Variants in BRF1 observed in about 807,000 individuals in gnomAD.
The protein encoded by BRF1 is BRF1 general transcription factor IIIB subunit, also known as transcription factor IIIB 90 kDa subunit.
BRF1 carries 59 observed loss-of-function variants against 81.7 expected under a neutral mutation model. That is an observed-to-expected ratio of 0.72 (90% CI 0.59 to 0.90). BRF1 has a LOEUF of 0.90. BRF1 is among the 40% of genes least tolerant of loss of function. The pLI, the probability that BRF1 is intolerant of heterozygous loss-of-function variation, is 0.00. For synonymous variants in BRF1, 491 were observed against 395.6 expected (o/e 1.24, Z -2.86); for missense variants, 1,050 against 936.3 (o/e 1.12, Z -1.58).
intron 1 of BRF1, among the ~76,000 whole-genome samples, chr14:105,314,172 C>A (rs1241675166): frequency 6.6e-6 from 1 of 152,154 alleles, no homozygotes; most frequent in Non-Finnish European, 1.5e-5. Flanking sequence ...TCCCGGGGAA[C>A]CCACGCAGGG....
At chr14:105,293,287 T>G (rs1006299441) in intron 1 of BRF1, among the ~76,000 whole-genome samples, 3 of 152,176 alleles carry the variant, frequency 2.0e-5, no homozygotes, top group Admixed American at 1.3e-4. Context: ...CCAGGTGACA[T>G]GCAGCCATGT....
intron 6 of BRF1, 25 bp downstream of exon 6, chr14:105,241,240 C>A (rs57108874): frequency 6.2e-7 from 1 of 1,607,236 alleles, no homozygotes; most frequent in Admixed American, 1.7e-5. Context: ...ACCAGCATCC[C>A]CCAGGCAGGC....
At position 105,229,179 on chromosome 14, in the gene BRF1, C is replaced by T. The variant is rs587668060; in HGVS notation, c.695-266G>A. On this transcript the variant is annotated intron_variant, in intron 6 of 17. Transcript: ENST00000547530. Reference sequence around the variant, plus strand: ...GGCTTCCGAGAGCTTCACGTAATCCCTCAAAGCAAACAAACTAACTCTAAG... The same window carrying T: ...GGCTTCCGAGAGCTTCACGTAATCCTTCAAAGCAAACAAACTAACTCTAAG... 6.6e-5 allele frequency among the ~76,000 whole-genome samples: 10 copies of T among 152,324 alleles called. No individual in the cohort carries two copies. The East Asian group carries it at 1.5e-3, about 24-fold the overall frequency.
chr14:105,283,021 T>C (rs1346804297), intron 2 of BRF1, among the ~76,000 whole-genome samples: 1 of 152,026 alleles, frequency 6.6e-6, no homozygotes, highest in Non-Finnish European at 1.5e-5. Context: ...AATGTGCCAG[T>C]TATAATGGGC....
rs1448559965 is a variant in BRF1, at chr14:105,315,191, C to T, written c.-162+131G>A. Reference sequence around the variant, plus strand: ...CCGCCGGTTCGACGCGTGCAGCCGCCGCCCCCCCGCAGCTCCGGCAAGCGC... The same window carrying T: ...CCGCCGGTTCGACGCGTGCAGCCGCTGCCCCCCCGCAGCTCCGGCAAGCGC... On this transcript the variant is annotated intron_variant, in intron 1 of 17. Coordinates refer to the BRF1 transcript ENST00000327359. This position sits in a 1 kb window ranked among gnomAD's most constrained non-coding sequence, Gnocchi z 4.4. 1 of 291,370 alleles carries T rather than the reference C, an allele frequency of 3.4e-6. No individual in the cohort carries two copies. Among genetic ancestry groups the T allele is most frequent in the Admixed American group, 6.3e-5 (1 of 15,996 alleles). The allele number at this position is 291,370 out of a possible 1,614,324, so 18.0% of individuals were successfully genotyped here.
Position 105,210,071 on chromosome 14 carries a change from T to G in BRF1, c.*480A>C. The G allele has an allele frequency of 4.6e-6, 1 of 217,404 alleles. No homozygotes were observed. The highest frequency in any genetic ancestry group is 5.2e-5 in the Admixed American group (1 of 19,176). The allele number at this position is 217,404 out of a possible 1,614,324, so 13.5% of individuals were successfully genotyped here. A position where few individuals can be genotyped will look rare whatever the true frequency, so the allele number is the denominator to read the frequency against. ...GCTGCGCCGGACACCTGCAGGGCTCTGGCTTCCACTCTGGCAGAGGCTGCT... is the reference window on the plus strand; with the variant it reads ...GCTGCGCCGGACACCTGCAGGGCTCGGGCTTCCACTCTGGCAGAGGCTGCT... On this transcript the variant is annotated 3_prime_UTR_variant, in exon 18 of 18. Coordinates refer to ENST00000547530, the MANE Select transcript of BRF1 (RefSeq NM_001519.4). This position sits in a 1 kb window ranked among gnomAD's most constrained non-coding sequence, Gnocchi z 4.7.
At position 105,221,897 on chromosome 14, in the gene BRF1, C is replaced by A; in HGVS notation, c.1066G>T (p.Ala356Ser). The A allele has an allele frequency of 6.3e-7, 1 of 1,594,356 alleles. No homozygotes were observed. Among genetic ancestry groups the A allele is most frequent in the Non-Finnish European group, 8.5e-7 (1 of 1,170,806 alleles). ...LAKDGSTEDT[A>S]SSLCGEEDTE... ...TCCTCCTCGCCACACAAGCTGGACG[C>A]GGTGTCCTCGGTGGAGCCTAGGTGT... The change falls in exon 11 of 18, where the codon GCG (alanine) becomes TCG (serine). Residue 356 changes from alanine to serine, a missense_variant. Ala to Ser is a moderately conservative substitution (Grantham distance 99). Coordinates refer to ENST00000547530, the MANE Select transcript of BRF1 (RefSeq NM_001519.4).
At chr14:105,228,977 C>T (rs1276945066) in intron 6 of BRF1, 64 bp from the exon 7 acceptor site, 5 of 1,445,526 alleles carry the variant, frequency 3.5e-6, no homozygotes, top group South Asian at 2.3e-5. Context: ...TCTGTGGCGG[C>T]CCAGGACAAC....
At chr14:105,256,363 C>T in intron 4 of BRF1, 155 bp downstream of exon 4, 1 of 1,573,058 alleles carries the variant, frequency 6.4e-7, no homozygotes. Flanking sequence ...GAAGGCCCCT[C>T]ATCCTACAGA....
chr14:105,285,313 G>A (rs909110964), intron 2 of BRF1, among the ~76,000 whole-genome samples: 6 of 152,260 alleles, frequency 3.9e-5, no homozygotes, highest in African/African-American at 1.4e-4. Context: ...CACCAGGACT[G>A]TCATGCAGTC....
At chr14:105,220,272 C>T (rs1456349268) in intron 11 of BRF1, 142 bp from the exon 12 acceptor site, 7 of 838,920 alleles carry the variant, frequency 8.3e-6, no homozygotes, top group African/African-American at 1.7e-5. Context: ...TGGTGGGTCG[C>T]GCCCTGTCTG....
chr14:105,212,865 T>G (rs1890360872), intron 15 of BRF1: 1 of 152,312 alleles, frequency 6.6e-6, no homozygotes, highest in Non-Finnish European at 1.5e-5. Flanking sequence ...GGGCCCTGCC[T>G]GGCTCTGACG....
At position 105,217,812 on chromosome 14, in the gene BRF1, C is replaced by T. The variant is rs1891579748; in HGVS notation, c.1516-12G>A. ...CAAGACTTCTTGGGCTTGAGGGAAA[C>T]AAGCAAGAATGCCTCCCGTGAGTCA... On this transcript the variant is annotated splice_polypyrimidine_tract_variant and intron_variant, in intron 14 of 17. Transcript: ENST00000547530. The T allele has an allele frequency of 6.2e-7, 1 of 1,607,842 alleles. No homozygotes were observed. Among genetic ancestry groups the T allele is most frequent in the East Asian group, 2.2e-5 (1 of 44,748 alleles).
rs144061492 is a variant in BRF1, at chr14:105,299,165, T to G, written c.184+1281A>C. 8.0e-3 allele frequency among the ~76,000 whole-genome samples: 1,217 copies of G among 151,316 alleles called. 20 individuals are homozygous for G. Among genetic ancestry groups the G allele is most frequent in the African/African-American group, 0.028 (1,167 of 41,216 alleles). On this transcript the variant is annotated intron_variant, in intron 1 of 17. Coordinates refer to ENST00000547530, the MANE Select transcript of BRF1 (RefSeq NM_001519.4). ...TCCAGCCTGGGCAACAGAGCAAGAC[T>G]CCATCTCAAAAGAAAAAAAACTTCT...
chr14:105,298,488 T>G (rs2057831460), intron 1 of BRF1, among the ~76,000 whole-genome samples: 1 of 152,170 alleles, frequency 6.6e-6, no homozygotes, highest in Non-Finnish European at 1.5e-5. Context: ...ACAAACGGTG[T>G]TGAAACAAGG....
In BRF1 at chr14:105,229,352, A is replaced by T. The variant is rs185501069; in HGVS notation, c.695-439T>A. Among the ~76,000 whole-genome samples, 6 of 152,326 alleles carry T rather than the reference A, an allele frequency of 3.9e-5. No individual in the cohort carries two copies. In the East Asian group the frequency reaches 7.7e-4, roughly 20 times the overall value. On this transcript the variant is annotated intron_variant, in intron 6 of 17. Transcript: ENST00000547530. ...TGGGCCCAGAACCTCCAGTGCAAAC[A>T]TGGAGATCATGTGTGCAGATGGAAC...
intron 6 of BRF1, 80 bp downstream of exon 6, chr14:105,241,185 C>T (rs981684342): frequency 6.4e-7 from 1 of 1,568,808 alleles, no homozygotes; most frequent in Non-Finnish European, 8.6e-7. Context: ...TACGGCCCAG[C>T]CCACCAGCAC....
intron 6 of BRF1, 74 bp downstream of exon 6, chr14:105,241,191 A>G (rs2054596050): frequency 1.9e-6 from 3 of 1,576,702 alleles, no homozygotes; most frequent in South Asian, 1.1e-5. Flanking sequence ...CCAGCCCACC[A>G]GCACTCAGGA....
Position 105,212,105 on chromosome 14 carries a change from C to A in BRF1, c.1824+8G>T, listed in dbSNP as rs1890213374. Reference sequence around the variant, plus strand: ...GTCTCCCTGCCCTGGCTGCGTGGGACAACACACCTCTCCCGTGGCCACCTT... The same window carrying A: ...GTCTCCCTGCCCTGGCTGCGTGGGAAAACACACCTCTCCCGTGGCCACCTT... On this transcript the variant is annotated splice_region_variant and intron_variant, in intron 16 of 17. Transcript: ENST00000547530. 6.2e-7 allele frequency: 1 copy of A among 1,612,236 alleles called. No homozygotes were observed.
Sources: gnomAD v4.1 joint callset for allele counts (sites outside exome capture counted in the v4.1 genomes callset) on GRCh38, gnomAD v4.1.1 for gene constraint, Gnocchi (gnomAD v3.1) non-coding constraint, MANE v1.5 for transcripts, NCBI Gene and HGNC (gene_info 2026-07-23, HGNC 2026-07-21) for gene names.